RBFOX1: variants seen among roughly 807,000 people sequenced by gnomAD.
The protein encoded by RBFOX1 is RNA binding fox-1 homolog 1.
Under a neutral mutation model 57.7 loss-of-function variants are expected in RBFOX1, and 8 were observed. That is an observed-to-expected ratio of 0.14 (90% confidence interval 0.08 to 0.25). The LOEUF is 0.25. Among genes scored for constraint, RBFOX1 ranks in the 10% least tolerant of loss-of-function variants. The probability of loss-of-function intolerance (pLI) is 1.00; values close to 1 mark genes in which losing one functional copy is unlikely to be tolerated. For missense variants in RBFOX1, 611 were observed against 548.5 expected (o/e 1.11, Z -1.14); for synonymous variants, 326 against 222.4 (o/e 1.47, Z -4.15).
intron 5 of RBFOX1, among the ~76,000 whole-genome samples, chr16:7,563,800 A>G (rs9925435): frequency 0.88 from 134,008 of 152,104 alleles, 59,954 homozygotes; most frequent in Non-Finnish European, 0.97. Flanking sequence ...TCCTGGAACC[A>G]AAAGCCAAAT....
At chr16:7,530,504 A>T (rs552737234) in intron 5 of RBFOX1, among the ~76,000 whole-genome samples, 1 of 126,104 alleles carries the variant, frequency 7.9e-6, no homozygotes, top group African/African-American at 2.8e-5. Flanking sequence ...CAGACTTCTT[A>T]AAAAAAAAAA....
At chr16:6,932,266 G>C (rs893464178) in intron 3 of RBFOX1, among the ~76,000 whole-genome samples, 2 of 152,046 alleles carry the variant, frequency 1.3e-5, no homozygotes, top group African/African-American at 2.4e-5. Context: ...ACCACACCTG[G>C]CTAATTTTTT....
At chr16:7,049,334 A>G (rs933614511) in intron 3 of RBFOX1, among the ~76,000 whole-genome samples, 1 of 152,170 alleles carries the variant, frequency 6.6e-6, no homozygotes, top group Non-Finnish European at 1.5e-5. Flanking sequence ...TCTTGAGACC[A>G]CAGTCCTAGA....
chr16:5,325,334 A>G (rs1410856037), intron 1 of RBFOX1, among the ~76,000 whole-genome samples: 1 of 152,140 alleles, frequency 6.6e-6, no homozygotes, highest in Non-Finnish European at 1.5e-5. Flanking sequence ...TGTCCTTTGT[A>G]TCTGCATTTA....
At chr16:7,154,176 G>A (rs1044368925) in intron 4 of RBFOX1, among the ~76,000 whole-genome samples, 2 of 152,198 alleles carry the variant, frequency 1.3e-5, no homozygotes, top group African/African-American at 4.8e-5. Context: ...CACCTATGAT[G>A]TGCCAAGTGT....
intron 3 of RBFOX1, among the ~76,000 whole-genome samples, chr16:6,680,106 C>A (rs2058401602): frequency 6.6e-6 from 1 of 151,740 alleles, no homozygotes. Context: ...TCAGTTTTCT[C>A]ATCTGTAAAA....
intron 2 of RBFOX1, among the ~76,000 whole-genome samples, chr16:6,464,105 AT>A (rs1215889806): frequency 2.0e-5 from 3 of 152,216 alleles, no homozygotes; most frequent in African/African-American, 7.2e-5. Context: ...CAACTTTTTC[AT>A]CGAAATGTGG....
chr16:6,925,410 C>A (rs528891468), intron 3 of RBFOX1, among the ~76,000 whole-genome samples: 9 of 151,798 alleles, frequency 5.9e-5, no homozygotes, highest in African/African-American at 2.2e-4. Flanking sequence ...TAGGAGTGAG[C>A]CACTGCACCC....
chr16:7,237,228 C>G (rs2093813517), intron 4 of RBFOX1, among the ~76,000 whole-genome samples: 1 of 152,152 alleles, frequency 6.6e-6, no homozygotes, highest in South Asian at 2.1e-4. Flanking sequence ...GCCTTGTAAT[C>G]CAGAAGACCA....
intron 2 of RBFOX1, among the ~76,000 whole-genome samples, chr16:5,480,848 G>A (rs2069515786): frequency 6.6e-6 from 1 of 152,152 alleles, no homozygotes; most frequent in Non-Finnish European, 1.5e-5. Flanking sequence ...TTTGACAGTT[G>A]GGTTGTTTCC....
chr16:5,618,338 TTTTGTGTG>T (rs979821359), intron 3 of RBFOX1, among the ~76,000 whole-genome samples: 1 of 143,576 alleles, frequency 7.0e-6, no homozygotes, highest in Non-Finnish European at 1.5e-5. Context: ...GATTTTTTTT[TTTTGTGTG>T]TGTGTGTGTG....
intron 4 of RBFOX1, among the ~76,000 whole-genome samples, chr16:7,365,085 C>CTA (rs2097415547): frequency 6.6e-6 from 1 of 152,322 alleles, no homozygotes; most frequent in East Asian, 1.9e-4. Flanking sequence ...ATCTATCTAT[C>CTA]TATCCATCCA....
chr16:7,079,204 C>T (rs943971518), intron 4 of RBFOX1, among the ~76,000 whole-genome samples: 5 of 152,062 alleles, frequency 3.3e-5, no homozygotes, highest in African/African-American at 7.2e-5. Flanking sequence ...CATCCAGGCG[C>T]GGGACTGCAT....
chr16:7,681,193 C>A (rs1446214624), intron 14 of RBFOX1, among the ~76,000 whole-genome samples: 1 of 152,086 alleles, frequency 6.6e-6, no homozygotes, highest in East Asian at 1.9e-4. Flanking sequence ...TAGACATATA[C>A]ATACATCCAT....
At chr16:6,569,974 G>A (rs990275137) in intron 2 of RBFOX1, among the ~76,000 whole-genome samples, 3 of 152,030 alleles carry the variant, frequency 2.0e-5, no homozygotes, top group African/African-American at 7.2e-5. Context: ...CCGGTAATTT[G>A]TTTGAGAAGA....
At chr16:7,699,593 C>A (rs1002078625) in intron 14 of RBFOX1, among the ~76,000 whole-genome samples, 18 of 152,138 alleles carry the variant, frequency 1.2e-4, no homozygotes, top group Admixed American at 6.5e-5. Context: ...CAGTCCACAC[C>A]AGGATGAGTT....
At chr16:5,488,005 AGTG>A (rs2042691329) in intron 2 of RBFOX1, among the ~76,000 whole-genome samples, 1 of 152,012 alleles carries the variant, frequency 6.6e-6, no homozygotes, top group South Asian at 2.1e-4. Flanking sequence ...GGAAGATAAT[AGTG>A]ATGATGATGA....
In RBFOX1 at chr16:7,052,069, C is replaced by G. The variant is rs1438227488; in HGVS notation, c.-3C>G. The G allele has an allele frequency of 1.9e-6, 3 of 1,612,314 alleles. No homozygotes were observed. Among genetic ancestry groups the G allele is most frequent in the Non-Finnish European group, 2.5e-6 (3 of 1,179,500 alleles). On this transcript the variant is annotated 5_prime_UTR_variant, in exon 4 of 16. Coordinates refer to ENST00000550418, the MANE Select transcript of RBFOX1 (RefSeq NM_018723.4). ...CTTTTCTTTCTAGGTTTCAAGACAA[C>G]AGATGAATTGTGAAAGAGAGCAGCT...
intron 2 of RBFOX1, among the ~76,000 whole-genome samples, chr16:6,410,123 T>G (rs917644): frequency 0.43 from 65,133 of 151,308 alleles, 14,913 homozygotes; most frequent in Non-Finnish European, 0.5. Context: ...ATTGGCAACT[T>G]TCTTTTCTTC....
Sources: allele counts gnomAD v4.1 joint callset (sites outside exome capture counted in the v4.1 genomes callset), GRCh38; gene constraint gnomAD v4.1.1; transcripts MANE v1.5; gene names NCBI Gene and HGNC (gene_info 2026-07-23, HGNC 2026-07-21).